TAF9: variants seen among roughly 807,000 people sequenced by gnomAD.
The protein encoded by TAF9 is TATA-box binding protein associated factor 9, also known as transcription initiation factor TFIID subunit 9.
Under a neutral mutation model 16.5 loss-of-function variants are expected in TAF9, and 10 were observed. The observed-to-expected ratio is 0.61, with a 90% confidence interval of 0.37 to 1.03. TAF9 has a LOEUF of 1.03. Ranked by LOEUF, TAF9 falls within the 50% of genes least tolerant of loss-of-function variation. The probability of loss-of-function intolerance (pLI) is 0.01; values close to 1 mark genes in which losing one functional copy is unlikely to be tolerated. For synonymous variants in TAF9, 105 were observed against 120.5 expected (o/e 0.87, Z 0.84); for missense variants, 288 against 319.1 (o/e 0.90, Z 0.74).
rs774148828 is a variant in TAF9 at position 69,365,299 on chromosome 5, G to A, written c.439C>T (p.Arg147Trp). ...CTAGTAACTGAACCAACACTTAACC[G>A]CGGGACTGTTATTCTTCCCGCAGAA... Reference protein sequence around the residue: ...STSAGRITVPRLSVGSVTSRP... With the variant: ...STSAGRITVPWLSVGSVTSRP... The change falls in exon 3 of 3, where the codon CGG becomes TGG. Residue 147 changes from arginine to tryptophan, a missense_variant. By Grantham distance (101) the Arg-to-Trp change is moderately radical (BLOSUM62 -3). Transcript: ENST00000217893. 9 of 1,614,054 alleles carry A rather than the reference G, an allele frequency of 5.6e-6. No homozygotes were observed. Among genetic ancestry groups the A allele is most frequent in the Admixed American group, 1.7e-5 (1 of 59,996 alleles).
In TAF9 at chr5:69,365,725, T is replaced by C; in HGVS notation, c.13A>G (p.Lys5Glu). Residue 5 changes from lysine (K) to glutamate (E), a missense_variant, in exon 3 of 3, where the codon AAG (lysine) becomes GAG (glutamate). Coordinates refer to ENST00000217893, the MANE Select transcript of TAF9 (RefSeq NM_003187.5). Reference protein sequence around the residue: MESGKTASPKSMPKD... With the variant: MESGETASPKSMPKD... ...GGCATGCTCTTGGGAGAAGCCGTCT[T>C]GCCAGACTCCATGATATCCGATGAT... is the stretch of plus-strand genomic sequence containing the variant. 1 of 1,550,676 alleles carries C rather than the reference T, an allele frequency of 6.4e-7. No individual in the cohort carries two copies.
At position 69,364,821 on chromosome 5, in the gene TAF9, A is replaced by T; in HGVS notation, c.*122T>A. 1 of 862,542 alleles carries T rather than the reference A, an allele frequency of 1.2e-6. No individual in the cohort carries two copies. 53.4% of individuals were successfully genotyped at this position (862,542 alleles called of 1,614,324 possible). A position where few individuals can be genotyped will look rare whatever the true frequency, so the allele number is the denominator to read the frequency against. On this transcript the variant is annotated 3_prime_UTR_variant, in exon 3 of 3. Transcript: ENST00000217893. ...TTCATTTCAATTGAAAAGTATGGTA[A>T]CTGTGTTTACTCATTATTATTAGTT...
intron 1 of TAF9, chr5:69,369,236 GC>G (rs35387047): frequency 0.41 from 48,944 of 120,514 alleles, 6,698 homozygotes; most frequent in Middle Eastern, 0.5. Context: ...ACCCCCCCCC[GC>G]CCCCCCCCGG....
At chr5:69,369,295 CCGCAA>C (rs1285736065) in intron 1 of TAF9, 163 bp downstream of exon 1, 13 of 632,126 alleles carry the variant, frequency 2.1e-5, no homozygotes, top group Non-Finnish European at 3.2e-5. Context: ...CCCTCGCCTC[CCGCAA>C]CGCCCGCGAG....
At position 69,364,946 on chromosome 5, in the gene TAF9, C is replaced by T; in HGVS notation, c.792G>A (p.Leu264=). ...DDDDDDDYDN[L] The stretch of plus-strand genomic sequence containing the variant: ...TGTTACATTCAGCAAGGCTAGATTA[C>T]AGATTATCATAGTCATCATCATCAT... The change falls in exon 3 of 3, where the codon CTG becomes CTA. Residue 264 remains leucine (L), a synonymous_variant. Coordinates refer to ENST00000217893, the MANE Select transcript of TAF9 (RefSeq NM_003187.5). 1 of 1,607,138 alleles carries T rather than the reference C, an allele frequency of 6.2e-7. No individual in the cohort carries two copies. The highest frequency in any genetic ancestry group is 2.2e-5 in the East Asian group (1 of 44,792).
intron 1 of TAF9, 39 bp downstream of exon 1, chr5:69,369,424 C>G: frequency 1.2e-6 from 2 of 1,603,958 alleles, no homozygotes; most frequent in Non-Finnish European, 1.7e-6. Context: ...GCGCCCCCAG[C>G]CTGCCCCAGC....
At chr5:69,366,434 G>A in intron 2 of TAF9, 69 bp downstream of exon 2, 11 of 1,199,550 alleles carry the variant, frequency 9.2e-6, no homozygotes, top group Middle Eastern at 2.7e-4. Flanking sequence ...ACAATACCCA[G>A]CACTAACACT....
intron 1 of TAF9, chr5:69,369,182 A>G: frequency 2.0e-6 from 1 of 501,474 alleles, no homozygotes; most frequent in Non-Finnish European, 3.5e-6. Context: ...AGAAAGACTA[A>G]GCAGGTTGCC....
At chr5:69,366,476 C>T (rs1353658028) in intron 2 of TAF9, 27 bp downstream of exon 2, 1 of 1,575,224 alleles carries the variant, frequency 6.3e-7, no homozygotes, top group East Asian at 2.2e-5. Context: ...AAAAACAAAA[C>T]AAATCTAACA....
At chr5:69,369,809 C>T (rs1429507341), upstream of TAF9, 9 of 1,183,642 alleles carry the variant, frequency 7.6e-6, no homozygotes, top group South Asian at 4.3e-5. Flanking sequence ...GGAAGGTCCC[C>T]GGGAGGCCGT....
chr5:69,367,283 C>T (rs1162675519), intron 1 of TAF9, among the ~76,000 whole-genome samples: 1 of 151,528 alleles, frequency 6.6e-6, no homozygotes, highest in Non-Finnish European at 1.5e-5. Context: ...GAGGCCGAGG[C>T]GGGCAGATCA....
At chr5:69,368,580 G>C (rs1194579625) in intron 1 of TAF9, among the ~76,000 whole-genome samples, 5 of 151,598 alleles carry the variant, frequency 3.3e-5, no homozygotes, top group African/African-American at 1.2e-4. Context: ...TGGTTAATCT[G>C]CACCTCTCAG....
Position 69,364,771 on chromosome 5 carries a change from A to T in TAF9, c.*172T>A. On this transcript the variant is annotated 3_prime_UTR_variant, in exon 3 of 3. Transcript: ENST00000217893. ...AATGAATGACAACTTTATTTTTCTT[A>T]CACTTTTAAGGCTGATGAAAAACCT... The T allele has an allele frequency of 1.4e-6, 1 of 698,996 alleles. No homozygotes were observed. The highest frequency in any genetic ancestry group is 2.4e-6 in the Non-Finnish European group (1 of 414,292). 43.3% of individuals were successfully genotyped at this position (698,996 alleles called of 1,614,324 possible). A position where few individuals can be genotyped will look rare whatever the true frequency, so the allele number is the denominator to read the frequency against.
intron 1 of TAF9, chr5:69,369,217 C>A: frequency 2.5e-6 from 1 of 407,918 alleles, no homozygotes. Context: ...GATCTGCCGA[C>A]CTCTCTCCAC....
upstream of TAF9, chr5:69,369,710 G>A (rs1171434198): frequency 1.3e-6 from 2 of 1,551,434 alleles, no homozygotes; most frequent in African/African-American, 1.4e-5. Context: ...GCATAACTCG[G>A]GTCGGTACTT....
Position 69,366,586 on chromosome 5 carries a change from C to G in TAF9, c.-101G>C, listed in dbSNP as rs1305577982. On this transcript the variant is annotated 5_prime_UTR_variant, in exon 2 of 3. Transcript: ENST00000217893. ...TTTGCCTAGTGTGGTTTTTCCAACC[C>G]CTGGTGTACCTGTAAGACAAGCCAC... 23 of 1,612,714 alleles carry G rather than the reference C, an allele frequency of 1.4e-5. No individual in the cohort carries two copies. The highest frequency in any genetic ancestry group is 1.9e-5 in the Non-Finnish European group (22 of 1,178,988).
At chr5:69,366,732 T>C (rs368955601) in intron 1 of TAF9, 137 bp from the exon 2 acceptor site, 6 of 664,444 alleles carry the variant, frequency 9.0e-6, no homozygotes, top group Admixed American at 2.6e-5. Flanking sequence ...ACGACTGAAA[T>C]GAAAAATTTC....
Position 69,365,239 on chromosome 5 carries a change from G to C in TAF9, c.499C>G (p.Pro167Ala), listed in dbSNP as rs149658269. The change falls in exon 3 of 3, where the codon CCA becomes GCA. Residue 167 changes from proline (P) to alanine (A), a missense_variant. Transcript: ENST00000217893. ...TTAGTTGAAACAGACATGGTCTGTG[G>C]GGTTGGTGTGCCTAGTGTGGGAGTA... ...PSTPTLGTPT[P>A]QTMSVSTKVG... The C allele has an allele frequency of 6.2e-7, 1 of 1,614,080 alleles. No individual in the cohort carries two copies. Among genetic ancestry groups the C allele is most frequent in the Non-Finnish European group, 8.5e-7 (1 of 1,180,034 alleles).
At chr5:69,369,427 GC>G in intron 1 of TAF9, 35 bp downstream of exon 1, 1 of 1,605,902 alleles carries the variant, frequency 6.2e-7, no homozygotes, top group South Asian at 1.1e-5. Flanking sequence ...CCCCCAGCCT[GC>G]CCCAGCCCAG....
Sources: allele counts gnomAD v4.1 joint callset (sites outside exome capture counted in the v4.1 genomes callset), GRCh38; gene constraint gnomAD v4.1.1; transcripts MANE v1.5; gene names NCBI Gene and HGNC (gene_info 2026-07-23, HGNC 2026-07-21).